Variants in COLEC11 observed in about 807,000 individuals in gnomAD.
The protein encoded by COLEC11 is collectin subfamily member 11.
Under a neutral mutation model 27.3 loss-of-function variants are expected in COLEC11, and 20 were observed. The ratio of observed to expected loss-of-function variants is 0.73; its 90% confidence interval spans 0.51 to 1.06. The LOEUF (loss-of-function observed/expected upper bound fraction) is 1.06, where lower values mean the gene tolerates loss of function less well. Ranked by LOEUF, COLEC11 falls within the 50% of genes least tolerant of loss-of-function variation. The pLI is 0.00. For missense variants in COLEC11, 310 were observed against 383.0 expected (o/e 0.81, Z 1.59); for synonymous variants, 163 against 154.7 (o/e 1.05, Z -0.40).
intron 3 of COLEC11, among the ~76,000 whole-genome samples, chr2:3,615,261 GT>G (rs1663575075): frequency 6.6e-6 from 1 of 152,332 alleles, no homozygotes; most frequent in South Asian, 2.1e-4. Context: ...AGGGTCTCTG[GT>G]TTTCCTAGGC....
Position 3,613,374 on chromosome 2 carries a change from G to A in COLEC11, c.194G>A (p.Gly65Glu). ...CGGCCTGGAAGAGTCGGCCCCACGG[G>A]AGAAAAAGGTACCTGCAGCCCTGGG... ...PGRPGRVGPT[G>E]EKGDMGDKGQ... Residue 65 changes from glycine (G) to glutamate (E), a missense_variant, in exon 3 of 7, where the codon GGA becomes GAA. By Grantham distance (98) the Gly-to-Glu change is moderately conservative. Transcript: ENST00000349077. The A allele has an allele frequency of 1.3e-6, 2 of 1,599,924 alleles. No individual in the cohort carries two copies. Among genetic ancestry groups the A allele is most frequent in the Non-Finnish European group, 1.7e-6 (2 of 1,173,312 alleles).
intron 3 of COLEC11, among the ~76,000 whole-genome samples, chr2:3,622,066 G>A (rs1338845410): frequency 6.6e-6 from 1 of 151,964 alleles, no homozygotes; most frequent in East Asian, 1.9e-4. Flanking sequence ...CTACTCAGGA[G>A]GCTGAGGCAG....
chr2:3,596,785 A>T (rs1171077915), intron 1 of COLEC11, among the ~76,000 whole-genome samples: 1 of 152,134 alleles, frequency 6.6e-6, no homozygotes, highest in Non-Finnish European at 1.5e-5. Context: ...GTTGTTCTTA[A>T]AGAGGTCCTG....
At chr2:3,623,325 C>T (rs954453957) in intron 3 of COLEC11, among the ~76,000 whole-genome samples, 4 of 152,178 alleles carry the variant, frequency 2.6e-5, no homozygotes, top group African/African-American at 9.7e-5. Context: ...TTGATGTCCA[C>T]ATCACTCCCA....
intron 3 of COLEC11, among the ~76,000 whole-genome samples, chr2:3,636,169 C>T (rs940230169): frequency 1.3e-5 from 2 of 152,214 alleles, no homozygotes; most frequent in Non-Finnish European, 2.9e-5. Context: ...GTCCTTCCCG[C>T]CACCACCGCC....
chr2:3,602,702 A>C lies in COLEC11; in HGVS notation c.-26-1613A>C, dbSNP rs868189090. Among the ~76,000 whole-genome samples, 9 of 152,114 alleles carry C rather than the reference A, an allele frequency of 5.9e-5. No individual in the cohort carries two copies. Among genetic ancestry groups the C allele is most frequent in the Non-Finnish European group, 8.8e-5 (6 of 68,008 alleles). ...CTGTCTCATACAGAGCAACCCCCAAAGCTGCTGGGCGCCGGCTCCTGTCTC... is the reference window on the plus strand; with the variant it reads ...CTGTCTCATACAGAGCAACCCCCAACGCTGCTGGGCGCCGGCTCCTGTCTC... On this transcript the variant is annotated intron_variant, in intron 1 of 6. Coordinates refer to ENST00000349077, the MANE Select transcript of COLEC11 (RefSeq NM_024027.5). The surrounding 1 kb of genome is among the most constrained non-coding windows in gnomAD (Gnocchi z 6.2).
intron 4 of COLEC11, among the ~76,000 whole-genome samples, chr2:3,639,637 A>T (rs1469196375): frequency 6.6e-6 from 1 of 152,260 alleles, no homozygotes; most frequent in Non-Finnish European, 1.5e-5. Context: ...TAGAGCAGCT[A>T]GAAAGCCCTG....
intron 1 of COLEC11, chr2:3,603,707 A>T (rs925130990): frequency 1.0e-5 from 16 of 1,547,056 alleles, no homozygotes; most frequent in Admixed American, 3.9e-5. Flanking sequence ...TGTCCATGAC[A>T]CCCCTCTTCC....
At chr2:3,605,053 C>G (rs1437107414) in intron 2 of COLEC11, 2 of 470,932 alleles carry the variant, frequency 4.2e-6, no homozygotes, top group Non-Finnish European at 8.8e-6. Context: ...GTCCCTGAGG[C>G]TGCGGTATCT....
At chr2:3,605,235 G>A in intron 2 of COLEC11, 1 of 402,562 alleles carries the variant, frequency 2.5e-6, no homozygotes, top group South Asian at 1.9e-5. Flanking sequence ...TCGGGTGGCA[G>A]GGCCGGGGCT....
intron 1 of COLEC11, among the ~76,000 whole-genome samples, chr2:3,601,166 G>A (rs1572381627): frequency 6.6e-6 from 1 of 152,226 alleles, no homozygotes; most frequent in South Asian, 2.1e-4. Flanking sequence ...GGGGGCCTCG[G>A]CGTGGTGGCA....
Position 3,641,518 on chromosome 2 carries a change from G to C in COLEC11, c.328+1187G>C, listed in dbSNP as rs570231936. 1.1e-5 allele frequency: 11 copies of C among 960,142 alleles called. No homozygotes were observed. In the South Asian group the frequency reaches 1.7e-4, roughly 15 times the overall value. The allele number at this position is 960,142 out of a possible 1,614,324, so 59.5% of individuals were successfully genotyped here. A position where few individuals can be genotyped will look rare whatever the true frequency, so the allele number is the denominator to read the frequency against. ...AGGCCTAGCTTGGTCAGAGTTTGGA[G>C]GTTAAATGAGGAAAGGAATCCATCC... On this transcript the variant is annotated intron_variant, in intron 5 of 6. Coordinates refer to ENST00000349077, the MANE Select transcript of COLEC11 (RefSeq NM_024027.5).
chr2:3,598,084 C>T (rs879430826), intron 1 of COLEC11, among the ~76,000 whole-genome samples: 43 of 151,998 alleles, frequency 2.8e-4, no homozygotes, highest in Non-Finnish European at 5.1e-4. Context: ...TCCAGGCACC[C>T]GCCACCATGC....
chr2:3,626,878 G>A (rs1378081580), intron 3 of COLEC11, among the ~76,000 whole-genome samples: 1 of 152,088 alleles, frequency 6.6e-6, no homozygotes, highest in Admixed American at 6.5e-5. Flanking sequence ...GGCGGTGCCC[G>A]GGCCCCAGGG....
intron 3 of COLEC11, chr2:3,617,761 G>T: frequency 9.0e-7 from 1 of 1,108,556 alleles, no homozygotes; most frequent in Non-Finnish European, 1.4e-6. Flanking sequence ...CTGAGTTGTC[G>T]CTTTTGATTT....
At chr2:3,628,300 C>T (rs1008474170) in intron 3 of COLEC11, among the ~76,000 whole-genome samples, 35 of 152,258 alleles carry the variant, frequency 2.3e-4, no homozygotes, top group African/African-American at 8.2e-4. Flanking sequence ...ACGAGGCTTC[C>T]GGCCATGCTG....
intron 3 of COLEC11, among the ~76,000 whole-genome samples, chr2:3,622,070 G>A (rs922554121): frequency 1.3e-5 from 2 of 151,854 alleles, no homozygotes; most frequent in Non-Finnish European, 2.9e-5. Context: ...TCAGGAGGCT[G>A]AGGCAGGAGA....
chr2:3,622,898 C>G (rs985349411), intron 3 of COLEC11, among the ~76,000 whole-genome samples: 1 of 152,200 alleles, frequency 6.6e-6, no homozygotes, highest in Non-Finnish European at 1.5e-5. Context: ...TATCTCTACA[C>G]TTTTAAATGT....
chr2:3,638,411 A>G (rs11123567), intron 4 of COLEC11, among the ~76,000 whole-genome samples: 25,036 of 152,164 alleles, frequency 0.16, 6,332 homozygotes, highest in African/African-American at 0.54. Context: ...GGTCCCGCAC[A>G]GTGTAGCAAT....
Sources: allele counts gnomAD v4.1 joint callset (sites outside exome capture counted in the v4.1 genomes callset), GRCh38; gene constraint gnomAD v4.1.1; non-coding constraint Gnocchi (gnomAD v3.1); transcripts MANE v1.5; gene names NCBI Gene and HGNC (gene_info 2026-07-23, HGNC 2026-07-21).